Variants in CDH13 observed in about 807,000 individuals in gnomAD.
CDH13 encodes cadherin-13.
A neutral mutation model predicts 63.8 loss-of-function variants in CDH13; 24 were observed. The observed-to-expected ratio is 0.38, with a 90% CI of 0.27 to 0.53. The LOEUF (loss-of-function observed/expected upper bound fraction) is 0.53. CDH13 is among the 20% of genes least tolerant of loss of function. The pLI, the probability that CDH13 is intolerant of heterozygous loss-of-function variation, is 0.85. For missense variants in CDH13, 1,049 were observed against 903.1 expected, an observed-to-expected ratio of 1.16 and a Z score of -2.07; for synonymous variants, 503 against 355.3, an observed-to-expected ratio of 1.42 and a Z score of -4.67.
chr16:83,149,189 C>A (rs767958591), intron 4 of CDH13, among the ~76,000 whole-genome samples: 1 of 152,140 alleles, frequency 6.6e-6, no homozygotes, highest in Non-Finnish European at 1.5e-5. Flanking sequence ...CAACTAATTT[C>A]CTGTAGCTTC....
rs2032038930 is a variant in CDH13, at chr16:83,066,730, TC to T, written c.366+34513del. Among the ~76,000 whole-genome samples the T allele has an allele frequency of 2.6e-5, 4 of 152,186 alleles. No homozygotes were observed. The South Asian group carries it at 6.2e-4, about 24-fold the overall frequency. ...AAATTCTCGCCCGGTGTGAAGTCAGTCTTTTAATTTACAAAGAAAAATTACT... is the reference window on the plus strand; with the variant it reads ...AAATTCTCGCCCGGTGTGAAGTCAGTTTTTAATTTACAAAGAAAAATTACT... On this transcript the variant is annotated intron_variant, in intron 3 of 13. Transcript: ENST00000567109.
intron 7 of CDH13, among the ~76,000 whole-genome samples, chr16:83,527,489 A>T (rs1336428276): frequency 6.6e-6 from 1 of 152,182 alleles, no homozygotes; most frequent in East Asian, 1.9e-4. Flanking sequence ...GAATTCAGAT[A>T]CAAAAAGAGT....
chr16:82,654,366 T>A (rs1911064270), intron 1 of CDH13, among the ~76,000 whole-genome samples: 1 of 152,218 alleles, frequency 6.6e-6, no homozygotes, highest in Non-Finnish European at 1.5e-5. Context: ...AGATGGTTCT[T>A]TCCCCTTGAG....
At chr16:82,822,750 C>T (rs573735594) in intron 1 of CDH13, among the ~76,000 whole-genome samples, 12 of 152,330 alleles carry the variant, frequency 7.9e-5, no homozygotes, top group Middle Eastern at 3.4e-3. Context: ...CCACCTTGGC[C>T]TCCCAAAGTG....
intron 4 of CDH13, among the ~76,000 whole-genome samples, chr16:83,212,005 A>G (rs1345598435): frequency 6.6e-6 from 1 of 152,172 alleles, no homozygotes; most frequent in African/African-American, 2.4e-5. Flanking sequence ...GGAGTATATA[A>G]TGGGCCTTAA....
intron 1 of CDH13, among the ~76,000 whole-genome samples, chr16:82,754,169 C>G (rs1182544633): frequency 3.3e-5 from 5 of 152,194 alleles, no homozygotes; most frequent in Non-Finnish European, 7.4e-5. Flanking sequence ...TACAGTAACT[C>G]TAATGCCTGA....
intron 1 of CDH13, among the ~76,000 whole-genome samples, chr16:82,812,317 A>G (rs1362310301): frequency 1.3e-5 from 2 of 152,134 alleles, no homozygotes; most frequent in East Asian, 1.9e-4. Context: ...GATATTTGCA[A>G]TAATTGAAGC....
intron 13 of CDH13, among the ~76,000 whole-genome samples, chr16:83,789,213 G>A (rs751619356): frequency 6.6e-6 from 1 of 152,062 alleles, no homozygotes; most frequent in African/African-American, 2.4e-5. Context: ...CAAAGTGGCC[G>A]ACCCACGTGT....
intron 8 of CDH13, among the ~76,000 whole-genome samples, chr16:83,635,708 C>A (rs1263800367): frequency 6.6e-6 from 1 of 152,164 alleles, no homozygotes. Flanking sequence ...ATATGCACAT[C>A]CTTTGTCGGA....
intron 5 of CDH13, among the ~76,000 whole-genome samples, chr16:83,240,412 T>A (rs907645656): frequency 6.6e-6 from 1 of 151,944 alleles, no homozygotes; most frequent in African/African-American, 2.4e-5. Flanking sequence ...TGTAAACAGA[T>A]TGGAGGGGAA....
intron 1 of CDH13, among the ~76,000 whole-genome samples, chr16:82,779,039 G>C (rs1021410422): frequency 1.3e-5 from 2 of 152,180 alleles, no homozygotes; most frequent in African/African-American, 2.4e-5. Flanking sequence ...TGGACTTAGA[G>C]AGGAAAGATA....
At chr16:83,083,518 C>G (rs1458617872) in intron 3 of CDH13, among the ~76,000 whole-genome samples, 1 of 152,136 alleles carries the variant, frequency 6.6e-6, no homozygotes, top group African/African-American at 2.4e-5. Flanking sequence ...CTGACATGCC[C>G]AGTATCACAG....
intron 13 of CDH13, among the ~76,000 whole-genome samples, chr16:83,790,826 G>A (rs1438078792): frequency 1.3e-5 from 2 of 152,204 alleles, no homozygotes; most frequent in African/African-American, 2.4e-5. Flanking sequence ...TTTCTAGCAC[G>A]ACTTTTATGG....
intron 1 of CDH13, among the ~76,000 whole-genome samples, chr16:82,809,959 C>T (rs1187771135): frequency 6.6e-6 from 1 of 152,130 alleles, no homozygotes; most frequent in Non-Finnish European, 1.5e-5. Context: ...GCTTTTAAAA[C>T]ATGTCAGTTC....
At chr16:83,779,405 T>TAAAAAAAAA (rs1174439191) in intron 11 of CDH13, among the ~76,000 whole-genome samples, 915 of 67,786 alleles carry the variant, frequency 0.013, 357 homozygotes, top group Non-Finnish European at 0.017. Flanking sequence ...AGACTCCATC[T>TAAAAAAAAA]CAAAAAAAAA....
At chr16:83,575,273 A>G (rs1905002917) in intron 7 of CDH13, among the ~76,000 whole-genome samples, 1 of 152,210 alleles carries the variant, frequency 6.6e-6, no homozygotes, top group Non-Finnish European at 1.5e-5. Flanking sequence ...AAAACAATTG[A>G]ATTGTACACT....
At chr16:82,872,103 A>G (rs181870300) in intron 2 of CDH13, among the ~76,000 whole-genome samples, 5 of 152,326 alleles carry the variant, frequency 3.3e-5, no homozygotes, top group Admixed American at 3.3e-4. Flanking sequence ...GTCCGTTCTA[A>G]GGGTATTGTG....
At chr16:83,069,909 G>C (rs551408515) in intron 3 of CDH13, among the ~76,000 whole-genome samples, 2 of 152,284 alleles carry the variant, frequency 1.3e-5, no homozygotes, top group South Asian at 4.1e-4. Context: ...TAGAAATGCA[G>C]ACAGAAATCG....
At chr16:83,330,794 CA>C (rs1567596913) in intron 5 of CDH13, among the ~76,000 whole-genome samples, 1 of 152,138 alleles carries the variant, frequency 6.6e-6, no homozygotes, top group African/African-American at 2.4e-5. Context: ...GGGACTTGGT[CA>C]CATGAGCCCT....
Sources: gnomAD v4.1 joint callset for allele counts (sites outside exome capture counted in the v4.1 genomes callset) on GRCh38, gnomAD v4.1.1 for gene constraint, MANE v1.5 for transcripts, NCBI Gene and HGNC (gene_info 2026-07-23, HGNC 2026-07-21) for gene names.